RORA: variants seen among roughly 807,000 people sequenced by gnomAD.
RORA encodes the protein RAR related orphan receptor A.
A neutral mutation model predicts 69.5 loss-of-function variants in RORA; 7 were observed. The observed-to-expected ratio is 0.10, with a 90% CI of 0.06 to 0.19. RORA has a LOEUF of 0.19. Among genes scored for constraint, RORA ranks in the 10% least tolerant of loss-of-function variants. The pLI, the probability that RORA is intolerant of heterozygous loss-of-function variation, is 1.00. For missense variants in RORA, 457 were observed against 663.0 expected, an observed-to-expected ratio of 0.69 and a Z score of 3.41; for synonymous variants, 261 against 240.8, an observed-to-expected ratio of 1.08 and a Z score of -0.78.
chr15:61,093,282 G>T (rs938853321), intron 1 of RORA, among the ~76,000 whole-genome samples: 1 of 152,166 alleles, frequency 6.6e-6, no homozygotes, highest in Non-Finnish European at 1.5e-5. Flanking sequence ...CTACCAATAT[G>T]AACGCATTAG....
At chr15:60,757,068 C>G (rs1397960040) in intron 1 of RORA, among the ~76,000 whole-genome samples, 1 of 152,182 alleles carries the variant, frequency 6.6e-6, no homozygotes, top group Non-Finnish European at 1.5e-5. Context: ...TTTTGCATTA[C>G]ATGCAAAACC....
intron 2 of RORA, among the ~76,000 whole-genome samples, chr15:60,595,507 T>G (rs919517245): frequency 3.3e-5 from 5 of 150,382 alleles, no homozygotes; most frequent in African/African-American, 1.2e-4. Context: ...AGAGCAATAA[T>G]CTGTCTCAAG....
chr15:61,180,958 T>G (rs948697305), intron 1 of RORA, among the ~76,000 whole-genome samples: 1 of 151,854 alleles, frequency 6.6e-6, no homozygotes, highest in Non-Finnish European at 1.5e-5. Flanking sequence ...ATAAAAATTA[T>G]CTGGGTGTGG....
intron 1 of RORA, among the ~76,000 whole-genome samples, chr15:60,708,371 G>A (rs944641538): frequency 7.4e-5 from 11 of 148,954 alleles, no homozygotes. Flanking sequence ...GCAATGAGCC[G>A]AGATGGCACC....
intron 3 of RORA, among the ~76,000 whole-genome samples, chr15:60,517,604 G>A (rs2066008391): frequency 6.6e-6 from 1 of 152,138 alleles, no homozygotes; most frequent in Non-Finnish European, 1.5e-5. Flanking sequence ...ATAATCCTTA[G>A]AAAGAGATAC....
At chr15:60,660,507 T>G (rs1259465663) in intron 2 of RORA, among the ~76,000 whole-genome samples, 1 of 152,180 alleles carries the variant, frequency 6.6e-6, no homozygotes, top group Non-Finnish European at 1.5e-5. Context: ...AGATAGTATT[T>G]TCAGTTGTAG....
chr15:60,578,787 A>C (rs916267002), intron 2 of RORA, among the ~76,000 whole-genome samples: 46 of 134,926 alleles, frequency 3.4e-4, no homozygotes, highest in Non-Finnish European at 2.1e-4. Flanking sequence ...TTTTTGAGAC[A>C]GAGTCTCGCT....
intron 2 of RORA, among the ~76,000 whole-genome samples, chr15:60,538,677 C>T (rs1345373464): frequency 6.6e-6 from 1 of 152,074 alleles, no homozygotes; most frequent in Admixed American, 6.5e-5. Context: ...ATGGAGAGGT[C>T]GCCTCTCTAT....
At chr15:61,140,357 C>T (rs1006686979) in intron 1 of RORA, among the ~76,000 whole-genome samples, 7 of 152,254 alleles carry the variant, frequency 4.6e-5, no homozygotes, top group Middle Eastern at 3.4e-3. Context: ...CATACCAGCA[C>T]CTGTAGGTGT....
intron 10 of RORA, among the ~76,000 whole-genome samples, chr15:60,497,991 G>A (rs2065213914): frequency 6.6e-6 from 1 of 151,918 alleles, no homozygotes; most frequent in Admixed American, 6.6e-5. Flanking sequence ...CCCGGGAGGT[G>A]GAAGTTTCAG....
At chr15:60,975,703 G>A (rs1267540497) in intron 1 of RORA, among the ~76,000 whole-genome samples, 3 of 152,212 alleles carry the variant, frequency 2.0e-5, no homozygotes, top group African/African-American at 7.2e-5. Context: ...TGAGGAGTCA[G>A]AGGATGAAGA....
intron 1 of RORA, among the ~76,000 whole-genome samples, chr15:61,006,406 G>T (rs1413765876): frequency 6.6e-6 from 1 of 151,980 alleles, no homozygotes; most frequent in African/African-American, 2.4e-5. Context: ...CTTCTGACTC[G>T]TTGGAACTCA....
At chr15:61,075,823 C>G (rs201962352) in intron 1 of RORA, among the ~76,000 whole-genome samples, 1 of 152,200 alleles carries the variant, frequency 6.6e-6, no homozygotes, top group Non-Finnish European at 1.5e-5. Context: ...AACACACACA[C>G]GCAGTGGAGA....
chr15:60,942,096 A>AT (rs112667898), intron 1 of RORA, among the ~76,000 whole-genome samples: 456 of 150,974 alleles, frequency 3.0e-3, no homozygotes, highest in African/African-American at 8.5e-3. Context: ...AAAACATGGA[A>AT]TTTTTTTTTT....
At chr15:61,024,102 CAA>C (rs544859540) in intron 1 of RORA, among the ~76,000 whole-genome samples, 2 of 151,856 alleles carry the variant, frequency 1.3e-5, no homozygotes, top group African/African-American at 2.4e-5. Flanking sequence ...TGCACAACAC[CAA>C]GAGAGAGAGG....
At chr15:61,014,514 A>C (rs908797967) in intron 1 of RORA, among the ~76,000 whole-genome samples, 1 of 152,176 alleles carries the variant, frequency 6.6e-6, no homozygotes, top group South Asian at 2.1e-4. Flanking sequence ...TTTGACTTCT[A>C]TTCCTGTCTT....
chr15:60,577,015 A>T (rs897603366), intron 2 of RORA, among the ~76,000 whole-genome samples: 1 of 152,224 alleles, frequency 6.6e-6, no homozygotes, highest in Non-Finnish European at 1.5e-5. Context: ...GTAAACCACA[A>T]ATTTTATGCC....
chr15:61,160,291 G>C (rs1408168455), intron 1 of RORA, among the ~76,000 whole-genome samples: 2 of 152,140 alleles, frequency 1.3e-5, no homozygotes, highest in African/African-American at 2.4e-5. Flanking sequence ...ATAGATACTA[G>C]CTTATTAGGT....
At chr15:61,095,453 C>T (rs1223989611) in intron 1 of RORA, among the ~76,000 whole-genome samples, 1 of 151,962 alleles carries the variant, frequency 6.6e-6, no homozygotes. Context: ...CATACAAAAC[C>T]AATAAAGAAA....
Sources: gnomAD v4.1 joint callset for allele counts (sites outside exome capture counted in the v4.1 genomes callset) on GRCh38, gnomAD v4.1.1 for gene constraint, MANE v1.5 for transcripts, NCBI Gene and HGNC (gene_info 2026-07-23, HGNC 2026-07-21) for gene names.